Variants in SUCLG2 observed in about 807,000 individuals in gnomAD.
The protein encoded by SUCLG2 is succinate-CoA ligase GDP-forming subunit beta, also known as succinate--CoA ligase [GDP-forming] subunit beta, mitochondrial.
In SUCLG2, 42 loss-of-function variants were observed where a neutral mutation model predicts 47.9. The ratio of observed to expected loss-of-function variants is 0.88; its 90% CI spans 0.69 to 1.14. The LOEUF (loss-of-function observed/expected upper bound fraction) is 1.14, where lower values mean the gene tolerates loss of function less well. SUCLG2 is among the 50% of genes most tolerant of loss of function. The probability of loss-of-function intolerance (pLI) is 0.00; values close to 1 mark genes in which losing one functional copy is unlikely to be tolerated. For synonymous variants in SUCLG2, 195 were observed against 197.3 expected (o/e 0.99, Z 0.10); for missense variants, 571 against 525.9 (o/e 1.09, Z -0.84).
At chr3:67,566,136 C>G (rs1707448665) in intron 2 of SUCLG2, among the ~76,000 whole-genome samples, 1 of 152,190 alleles carries the variant, frequency 6.6e-6, no homozygotes, top group African/African-American at 2.4e-5. Context: ...ACTCAAGCAT[C>G]AGGCAGCTGA....
At chr3:67,493,415 A>C (rs1382465515) in intron 9 of SUCLG2, among the ~76,000 whole-genome samples, 5 of 152,234 alleles carry the variant, frequency 3.3e-5, no homozygotes, top group Admixed American at 1.3e-4. Flanking sequence ...TCTCAAAAAA[A>C]GTTGAAATAA....
intron 8 of SUCLG2, among the ~76,000 whole-genome samples, chr3:67,496,450 C>CA (rs5849759): frequency 0.82 from 125,097 of 152,134 alleles, 52,119 homozygotes; most frequent in African/African-American, 0.94. Context: ...GATTGAACCA[C>CA]AGGCTTCCCA....
intron 9 of SUCLG2, chr3:67,408,641 C>T: frequency 9.4e-7 from 1 of 1,061,172 alleles, no homozygotes; most frequent in Non-Finnish European, 1.1e-6. Context: ...TGTCCTTATT[C>T]TGTCTATTCT....
chr3:67,456,537 T>C (rs994749014), intron 9 of SUCLG2, among the ~76,000 whole-genome samples: 3 of 152,158 alleles, frequency 2.0e-5, no homozygotes, highest in Admixed American at 6.6e-5. Context: ...ATCCATGGTA[T>C]GTGAGGGCAT....
At chr3:67,609,137 C>T (rs1700481786) in intron 2 of SUCLG2, among the ~76,000 whole-genome samples, 1 of 152,204 alleles carries the variant, frequency 6.6e-6, no homozygotes, top group Non-Finnish European at 1.5e-5. Flanking sequence ...CTCTATTCTC[C>T]TACACCCAGG....
intron 9 of SUCLG2, among the ~76,000 whole-genome samples, chr3:67,461,067 T>C (rs1704320180): frequency 6.6e-6 from 1 of 152,224 alleles, no homozygotes; most frequent in East Asian, 1.9e-4. Flanking sequence ...GTACCTTTCC[T>C]GCTGAAAGAC....
chr3:67,473,046 A>G (rs1245738830), intron 9 of SUCLG2, among the ~76,000 whole-genome samples: 5 of 152,268 alleles, frequency 3.3e-5, no homozygotes, highest in African/African-American at 1.2e-4. Flanking sequence ...TATTAAGTGG[A>G]AAAAACAGTA....
At chr3:67,585,177 A>G (rs2107265535) in intron 2 of SUCLG2, among the ~76,000 whole-genome samples, 1 of 152,272 alleles carries the variant, frequency 6.6e-6, no homozygotes, top group South Asian at 2.1e-4. Flanking sequence ...GTTATTCTCC[A>G]TGCTCCAATT....
chr3:67,472,092 T>C (rs965090468), intron 9 of SUCLG2, among the ~76,000 whole-genome samples: 3 of 152,200 alleles, frequency 2.0e-5, no homozygotes, highest in Non-Finnish European at 2.9e-5. Context: ...TCTAGTTTCA[T>C]CTTGATTTCC....
chr3:67,378,199 ACT>A (rs900634066), intron 10 of SUCLG2, among the ~76,000 whole-genome samples: 61 of 152,050 alleles, frequency 4.0e-4, no homozygotes, highest in African/African-American at 1.3e-3. Context: ...AAGATCAATC[ACT>A]CTTGCCTCCT....
At position 67,510,349 on chromosome 3, in the gene SUCLG2, C is replaced by T. The variant is rs184747756; in HGVS notation, c.661-1446G>A. On this transcript the variant is annotated intron_variant, in intron 6 of 10. Coordinates refer to ENST00000307227, the MANE Select transcript of SUCLG2 (RefSeq NM_003848.4). ...AAATTTGAGGGCTAGTAGATATAAA[C>T]GAACCCACATAATGAGTATGATTAA... Among the ~76,000 whole-genome samples the T allele has an allele frequency of 2.6e-4, 39 of 152,234 alleles. 1 individual carries two copies. Among genetic ancestry groups the T allele is most frequent in the East Asian group, 1.7e-3 (9 of 5,186 alleles).
intron 9 of SUCLG2, among the ~76,000 whole-genome samples, chr3:67,474,646 A>C (rs1302850047): frequency 6.6e-6 from 1 of 152,324 alleles, no homozygotes; most frequent in Non-Finnish European, 1.5e-5. Context: ...TTTTTTAAGA[A>C]GCTTCACTTT....
intron 10 of SUCLG2, among the ~76,000 whole-genome samples, chr3:67,368,257 C>A (rs184938913): frequency 2.2e-3 from 334 of 152,216 alleles, no homozygotes; most frequent in Middle Eastern, 0.017. Flanking sequence ...GTCAAGGAAC[C>A]CAAAGGATTC....
intron 9 of SUCLG2, chr3:67,408,820 C>T (rs1012920030): frequency 1.0e-4 from 146 of 1,403,124 alleles, no homozygotes; most frequent in Non-Finnish European, 1.2e-4. Flanking sequence ...AAACATCACA[C>T]AGCAGTAGGC....
chr3:67,507,639 G>A (rs1234673963), intron 7 of SUCLG2, among the ~76,000 whole-genome samples: 1 of 152,134 alleles, frequency 6.6e-6, no homozygotes, highest in African/African-American at 2.4e-5. Context: ...TGGGTTCGAA[G>A]GAAATGATAG....
rs1463232 is a variant in SUCLG2 at position 67,614,590 on chromosome 3, T to G, written c.85-4994A>C. Among the ~76,000 whole-genome samples the G allele has an allele frequency of 9.7e-3, 1,474 of 152,194 alleles. 8 individuals carry two copies. Among genetic ancestry groups the G allele is most frequent in the Non-Finnish European group, 0.015 (1,049 of 68,010 alleles). ...CTATTAAATGACCTCACAAAATCCC[T>G]GTCTTCCTGACTGGCCCTTACTGAC... On this transcript the variant is annotated intron_variant, in intron 1 of 10. Transcript: ENST00000307227.
rs536364491 is a variant in SUCLG2 at position 67,512,576 on chromosome 3, T to TATATAC, written c.661-3674_661-3673insGTATAT. Among the ~76,000 whole-genome samples, 96 of 151,126 alleles carry TATATAC rather than the reference T, an allele frequency of 6.4e-4. 7 individuals carry two copies. The highest frequency in any genetic ancestry group is 2.3e-3 in the African/African-American group (93 of 40,498). On this transcript the variant is annotated intron_variant, in intron 6 of 10. Coordinates refer to ENST00000307227, the MANE Select transcript of SUCLG2 (RefSeq NM_003848.4). ...TAACTTCTGGGTACACATATATATA[T>TATATAC]ATATGTATAATCTAATCCAGCTACT... is the stretch of plus-strand genomic sequence containing the variant.
At chr3:67,617,680 C>A (rs1375419394) in intron 1 of SUCLG2, among the ~76,000 whole-genome samples, 1 of 152,164 alleles carries the variant, frequency 6.6e-6, no homozygotes, top group Non-Finnish European at 1.5e-5. Context: ...AGAGATCCTA[C>A]CTACCCTATG....
chr3:67,400,174 C>T (rs1345478495), intron 10 of SUCLG2, among the ~76,000 whole-genome samples: 1 of 151,728 alleles, frequency 6.6e-6, no homozygotes, highest in Admixed American at 6.6e-5. Flanking sequence ...TATTTACAAA[C>T]CTGTAAAACA....
Sources: allele counts gnomAD v4.1 joint callset (sites outside exome capture counted in the v4.1 genomes callset), GRCh38; gene constraint gnomAD v4.1.1; transcripts MANE v1.5; gene names NCBI Gene and HGNC (gene_info 2026-07-23, HGNC 2026-07-21).